CD99: variants seen among roughly 807,000 people sequenced by gnomAD.
The protein encoded by CD99 is CD99 antigen.
In CD99, 19 loss-of-function variants were observed where a neutral mutation model predicts 28.4. That is an observed-to-expected ratio of 0.67 (90% CI 0.47 to 0.98). CD99 has a LOEUF of 0.98. CD99 is among the 50% of genes least tolerant of loss of function. The pLI is 0.00. For missense variants in CD99, 283 were observed against 248.8 expected (o/e 1.14, Z -0.92); for synonymous variants, 103 against 92.1 (o/e 1.12, Z -0.67).
chrX:2,691,942 T>C (rs2236738), intron 1 of CD99: 434,311 of 777,584 alleles, frequency 0.56, 126,678 homozygotes, highest in Non-Finnish European at 0.64. Context: ...AAAAAAACTT[T>C]GAGCCCTGAA....
At chrX:2,695,442 G>GTC (rs1347645894) in intron 1 of CD99, among the ~76,000 whole-genome samples, 1 of 151,742 alleles carries the variant, frequency 6.6e-6, no homozygotes, top group Non-Finnish European at 1.5e-5. Context: ...TTGAGGTGGG[G>GTC]TCTCTGTTGC....
chrX:2,720,267 T>C, intron 4 of CD99, 89 bp from the exon 5 acceptor site: 1 of 1,189,834 alleles, frequency 8.4e-7, no homozygotes, highest in Non-Finnish European at 1.3e-6. Flanking sequence ...GTCCAATTTC[T>C]GTTCAGGGAA....
intron 2 of CD99, among the ~76,000 whole-genome samples, chrX:2,716,179 T>C (rs2048704103): frequency 6.6e-6 from 1 of 151,972 alleles, no homozygotes; most frequent in South Asian, 2.1e-4. Flanking sequence ...CCACCATGCC[T>C]AGCTAGTTTT....
chrX:2,697,391 T>G (rs1473997447), intron 1 of CD99, among the ~76,000 whole-genome samples: 1 of 152,112 alleles, frequency 6.6e-6, no homozygotes, highest in African/African-American at 2.4e-5. Flanking sequence ...TAATAGTGTA[T>G]CTGGTTGAGC....
intron 1 of CD99, among the ~76,000 whole-genome samples, chrX:2,702,792 AT>A (rs1198218469): frequency 6.8e-6 from 1 of 147,350 alleles, no homozygotes; most frequent in African/African-American, 2.5e-5. Context: ...TTTTTTTTTT[AT>A]TTTTTTTGGA....
intron 8 of CD99, among the ~76,000 whole-genome samples, chrX:2,737,598 G>A (rs1364786895): frequency 1.3e-5 from 2 of 151,548 alleles, no homozygotes; most frequent in East Asian, 1.9e-4. Flanking sequence ...GGGTTCAAAC[G>A]ATCCTCCTGC....
intron 8 of CD99, among the ~76,000 whole-genome samples, chrX:2,734,111 G>T (rs893564123): frequency 6.6e-6 from 1 of 152,128 alleles, no homozygotes; most frequent in South Asian, 2.1e-4. Flanking sequence ...AACACAAATT[G>T]TACCTGGATT....
At chrX:2,736,786 G>C (rs6641641) in intron 8 of CD99, among the ~76,000 whole-genome samples, 1 of 151,864 alleles carries the variant, frequency 6.6e-6, no homozygotes, top group Non-Finnish European at 1.5e-5. Context: ...GAACCCGGGA[G>C]GCGGAGGTTG....
At chrX:2,715,882 A>G (rs1465055210) in intron 2 of CD99, among the ~76,000 whole-genome samples, 1 of 152,104 alleles carries the variant, frequency 6.6e-6, no homozygotes, top group South Asian at 2.1e-4. Context: ...ATTAGGACCT[A>G]TCCTAATCTA....
intron 8 of CD99, among the ~76,000 whole-genome samples, chrX:2,730,268 G>C (rs1392743668): frequency 1.3e-5 from 2 of 151,182 alleles, no homozygotes; most frequent in Non-Finnish European, 2.9e-5. Flanking sequence ...TGCCTCCCGG[G>C]TTCAAGCGAC....
intron 1 of CD99, chrX:2,692,116 G>C (rs1369834815): frequency 1.7e-6 from 1 of 594,634 alleles, no homozygotes. Flanking sequence ...AAAGAGCCAC[G>C]GTCACCCTCC....
chrX:2,738,353 A>T, intron 9 of CD99, 97 bp downstream of exon 9: 1 of 1,212,100 alleles, frequency 8.3e-7, no homozygotes, highest in Non-Finnish European at 1.2e-6. Flanking sequence ...TCACATTCTC[A>T]AATTTGGTTG....
At chrX:2,728,200 C>CTTTTTTTTTT (rs892410632) in intron 8 of CD99, among the ~76,000 whole-genome samples, 1 of 107,000 alleles carries the variant, frequency 9.3e-6, no homozygotes, top group African/African-American at 3.9e-5. Flanking sequence ...TTGGTTGTTT[C>CTTTTTTTTTT]TTTTTTTTTT....
intron 1 of CD99, among the ~76,000 whole-genome samples, chrX:2,696,747 T>C (rs999859583): frequency 7.2e-5 from 11 of 152,226 alleles, no homozygotes; most frequent in African/African-American, 2.7e-4. Context: ...TTTGTCCAAC[T>C]GACGGTATCT....
chrX:2,725,343 A>C (rs2049218548), intron 7 of CD99, among the ~76,000 whole-genome samples: 1 of 152,146 alleles, frequency 6.6e-6, no homozygotes. Context: ...GATTGCAGTG[A>C]GCTGTGATTA....
chrX:2,723,386 C>G, intron 7 of CD99, 22 bp downstream of exon 7: 1 of 1,613,442 alleles, frequency 6.2e-7, no homozygotes, highest in South Asian at 1.1e-5. Flanking sequence ...TGGCTTCTGT[C>G]TTCTTGTCTC....
At chrX:2,704,106 C>T (rs1831081175) in intron 1 of CD99, among the ~76,000 whole-genome samples, 1 of 152,174 alleles carries the variant, frequency 6.6e-6, no homozygotes. Flanking sequence ...CACGTCTCCC[C>T]AGGTCCCTCG....
intron 1 of CD99, among the ~76,000 whole-genome samples, chrX:2,696,419 A>T (rs2047576187): frequency 6.6e-6 from 1 of 151,884 alleles, no homozygotes; most frequent in Non-Finnish European, 1.5e-5. Context: ...TTTTATTTTG[A>T]GATGAAGTCT....
intron 2 of CD99, chrX:2,714,826 C>G: frequency 5.1e-6 from 1 of 194,982 alleles, no homozygotes; most frequent in Non-Finnish European, 1.0e-5. Context: ...CACCTTAAGA[C>G]AAAGTGCAGT....
Sources: gnomAD v4.1 joint callset for allele counts (sites outside exome capture counted in the v4.1 genomes callset) on GRCh38, gnomAD v4.1.1 for gene constraint, MANE v1.5 for transcripts, NCBI Gene and HGNC (gene_info 2026-07-23, HGNC 2026-07-21) for gene names.